Variants in CTNNA3 observed in about 807,000 individuals in gnomAD.
CTNNA3 encodes catenin alpha 3.
Under a neutral mutation model 95.7 loss-of-function variants are expected in CTNNA3, and 76 were observed. The observed-to-expected ratio is 0.79, with a 90% CI of 0.66 to 0.96. CTNNA3 has a LOEUF of 0.96. CTNNA3 is among the 40% of genes least tolerant of loss of function. The pLI, the probability that CTNNA3 is intolerant of heterozygous loss-of-function variation, is 0.00. For synonymous variants in CTNNA3, 431 were observed against 374.4 expected (o/e 1.15, Z -1.74); for missense variants, 1,191 against 1,089.8 (o/e 1.09, Z -1.31).
chr10:66,173,645 T>C (rs529892316), intron 13 of CTNNA3, among the ~76,000 whole-genome samples: 8 of 152,156 alleles, frequency 5.3e-5, no homozygotes, highest in East Asian at 1.9e-4. Context: ...ATCATGTCAC[T>C]GTACTCCAGT....
chr10:67,458,147 C>T (rs967265416), intron 5 of CTNNA3, among the ~76,000 whole-genome samples: 6 of 152,006 alleles, frequency 3.9e-5, no homozygotes, highest in African/African-American at 1.2e-4. Context: ...AGCTTCCCTC[C>T]CTCATTTACC....
chr10:66,364,238 A>G (rs1298032403), intron 12 of CTNNA3, among the ~76,000 whole-genome samples: 1 of 151,524 alleles, frequency 6.6e-6, no homozygotes, highest in Non-Finnish European at 1.5e-5. Flanking sequence ...CAACAATAAA[A>G]TCATTTAAAA....
At chr10:66,626,359 T>C (rs766274164) in intron 9 of CTNNA3, among the ~76,000 whole-genome samples, 68 of 144,230 alleles carry the variant, frequency 4.7e-4, no homozygotes, top group Admixed American at 1.7e-3. Flanking sequence ...ATTCATTGTT[T>C]ATATATTGTT....
At chr10:67,406,405 T>C (rs987817251) in intron 5 of CTNNA3, among the ~76,000 whole-genome samples, 1 of 152,168 alleles carries the variant, frequency 6.6e-6, no homozygotes, top group East Asian at 1.9e-4. Context: ...CCAAAATCTC[T>C]GGAACCCAGT....
chr10:67,604,767 A>G (rs1336720196), intron 3 of CTNNA3, among the ~76,000 whole-genome samples: 1 of 152,214 alleles, frequency 6.6e-6, no homozygotes. Flanking sequence ...GAATGAAAGG[A>G]AGAGTCTAAA....
At chr10:66,674,025 T>C (rs1846757406) in intron 9 of CTNNA3, among the ~76,000 whole-genome samples, 1 of 151,994 alleles carries the variant, frequency 6.6e-6, no homozygotes. Flanking sequence ...TGTTAATTTT[T>C]TTTTTGGTCT....
At chr10:66,474,688 C>A (rs557700444) in intron 11 of CTNNA3, among the ~76,000 whole-genome samples, 1 of 152,158 alleles carries the variant, frequency 6.6e-6, no homozygotes, top group East Asian at 1.9e-4. Context: ...TCTCCTTTCT[C>A]TGCATCCATA....
intron 7 of CTNNA3, among the ~76,000 whole-genome samples, chr10:67,084,952 T>C (rs915655203): frequency 6.6e-6 from 1 of 151,970 alleles, no homozygotes; most frequent in Non-Finnish European, 1.5e-5. Context: ...GTGCCTTGTA[T>C]GTTATAAATA....
At chr10:66,939,888 T>C (rs1847905627) in intron 7 of CTNNA3, among the ~76,000 whole-genome samples, 2 of 152,244 alleles carry the variant, frequency 1.3e-5, no homozygotes, top group Admixed American at 6.5e-5. Flanking sequence ...TTCCAAGAAC[T>C]GCAATCCTCA....
chr10:67,682,729 G>A (rs774549713), intron 1 of CTNNA3, among the ~76,000 whole-genome samples: 4 of 152,022 alleles, frequency 2.6e-5, no homozygotes, highest in African/African-American at 4.8e-5. Flanking sequence ...TTCCATGAAC[G>A]TATTCTAAGG....
intron 7 of CTNNA3, among the ~76,000 whole-genome samples, chr10:66,832,947 T>C (rs187994410): frequency 2.5e-4 from 38 of 152,288 alleles, no homozygotes; most frequent in African/African-American, 9.1e-4. Flanking sequence ...TTTGAGCTTG[T>C]AGACACCTAA....
intron 11 of CTNNA3, among the ~76,000 whole-genome samples, chr10:66,428,747 T>C (rs561139511): frequency 2.0e-4 from 30 of 151,972 alleles, no homozygotes; most frequent in Admixed American, 1.5e-3. Flanking sequence ...GGGACACATT[T>C]AAAGCAGTGT....
chr10:67,666,938 G>T (rs1200693646), intron 1 of CTNNA3, among the ~76,000 whole-genome samples: 1 of 152,040 alleles, frequency 6.6e-6, no homozygotes, highest in African/African-American at 2.4e-5. Flanking sequence ...TCATCAGAAA[G>T]ACTTCCCACA....
chr10:65,953,375 T>G (rs143938111), intron 17 of CTNNA3, among the ~76,000 whole-genome samples: 3 of 150,490 alleles, frequency 2.0e-5, no homozygotes, highest in Non-Finnish European at 4.4e-5. Context: ...ACTCACCTCT[T>G]TTTTTTTTAG....
intron 7 of CTNNA3, among the ~76,000 whole-genome samples, chr10:66,840,356 TCTCTCTCTCTCTCTCTCA>T (rs897947625): frequency 1.3e-4 from 16 of 123,122 alleles, no homozygotes; most frequent in African/African-American, 2.7e-4. Context: ...TCTCTCTCTC[TCTCTCTCTCTCTCTCTCA>T]CACACACACA....
At chr10:65,935,417 G>A (rs1258696193) in intron 17 of CTNNA3, among the ~76,000 whole-genome samples, 2 of 151,852 alleles carry the variant, frequency 1.3e-5, no homozygotes, top group Admixed American at 6.6e-5. Context: ...AAAATATCTG[G>A]TTATTATGCC....
chr10:67,235,047 A>G (rs1227921573), intron 5 of CTNNA3, among the ~76,000 whole-genome samples: 2 of 151,338 alleles, frequency 1.3e-5, no homozygotes, highest in South Asian at 4.2e-4. Context: ...TTCCATGCTC[A>G]TGGGTAGGAA....
chr10:67,575,280 CTTCT>C (rs2133299338), intron 3 of CTNNA3, among the ~76,000 whole-genome samples: 1 of 152,186 alleles, frequency 6.6e-6, no homozygotes, highest in East Asian at 1.9e-4. Context: ...GTGAAGTCTT[CTTCT>C]TTTTTTCCCC....
intron 5 of CTNNA3, among the ~76,000 whole-genome samples, chr10:67,493,884 T>C (rs1325209822): frequency 6.6e-6 from 1 of 152,206 alleles, no homozygotes; most frequent in Non-Finnish European, 1.5e-5. Context: ...CTGCTGTTGT[T>C]GCCAGCATCG....
Sources: allele counts gnomAD v4.1 joint callset (sites outside exome capture counted in the v4.1 genomes callset), GRCh38; gene constraint gnomAD v4.1.1; transcripts MANE v1.5; gene names NCBI Gene and HGNC (gene_info 2026-07-23, HGNC 2026-07-21).